The following SHE variants were observed in gnomAD, a reference collection of about 807,000 sequenced individuals.
SHE encodes SH2 domain-containing adapter protein E.
In SHE, 11 loss-of-function variants were observed where a neutral mutation model predicts 49.8. That is an observed-to-expected ratio of 0.22 (90% CI 0.14 to 0.37). The LOEUF (loss-of-function observed/expected upper bound fraction) is 0.37. Ranked by LOEUF, SHE falls within the 10% of genes least tolerant of loss-of-function variation. The pLI is 1.00. For missense variants in SHE, 624 were observed against 655.5 expected (o/e 0.95, Z 0.52); for synonymous variants, 310 against 278.1 (o/e 1.11, Z -1.14).
Position 154,486,731 on chromosome 1 carries a change from T to G in SHE, c.1025-48A>C. ...CATCACAGGCCACTGCGGTGACCCA[T>G]GTAAACTTCAAAGGGAAAAAACCTC... On this transcript the variant is annotated intron_variant, in intron 3 of 5. Transcript: ENST00000304760. The G allele has an allele frequency of 1.9e-6, 3 of 1,594,906 alleles. No homozygotes were observed. In the South Asian group the frequency reaches 3.4e-5, roughly 18 times the overall value.
intron 1 of SHE, 146 bp from the exon 2 acceptor site, chr1:154,499,384 T>C: frequency 2.4e-6 from 2 of 841,480 alleles, no homozygotes; most frequent in South Asian, 4.5e-5. Context: ...CACTTGATCA[T>C]GTGTCCCAGT....
chr1:154,499,196 G>A lies in SHE; in HGVS notation c.634C>T (p.Arg212Trp), dbSNP rs773502026. The A allele has an allele frequency of 9.9e-6, 16 of 1,613,934 alleles. No homozygotes were observed. Among genetic ancestry groups the A allele is most frequent in the Non-Finnish European group, 1.3e-5 (15 of 1,179,994 alleles). ...EDYADPYDAK[R>W]TKGQRDAERV... ...TCTGCATCCCTTTGACCCTTTGTCC[G>A]TTTGGCATCATAAGGGTCAGCATAG... Residue 212 changes from arginine to tryptophan, a missense_variant, in exon 2 of 6, where the codon CGG becomes TGG. This residue lies in a region of SHE where 337 missense variants were observed against 306.0 expected (regional missense o/e 1.10). Transcript: ENST00000304760.
At chr1:154,477,890 C>CAAA (rs35912019), downstream of SHE, among the ~76,000 whole-genome samples, 103 of 104,286 alleles carry the variant, frequency 9.9e-4, no homozygotes, top group Non-Finnish European at 1.2e-3. Context: ...GACACTGTCT[C>CAAA]AAAAAAAAAA....
intron 2 of SHE, among the ~76,000 whole-genome samples, chr1:154,494,527 GTTT>G (rs199901392): frequency 2.4e-5 from 3 of 126,400 alleles, no homozygotes; most frequent in African/African-American, 2.9e-5. Context: ...GGAGTTTATA[GTTT>G]TTTTTTTTTT....
Position 154,483,844 on chromosome 1 carries a change from A to C in SHE, c.*305T>G. On this transcript the variant is annotated 3_prime_UTR_variant, in exon 6 of 6. Transcript: ENST00000304760. ...CCATCTCTACTAAAAATACAAAAAA[A>C]AAAATTAGCTGGGAGTGGTGGTGCG... 1.1e-6 allele frequency: 1 copy of C among 894,220 alleles called. No individual in the cohort carries two copies. Among genetic ancestry groups the C allele is most frequent in the Middle Eastern group, 5.0e-4 (1 of 2,020 alleles). 55.4% of individuals were successfully genotyped at this position (894,220 alleles called of 1,614,324 possible).
In SHE at chr1:154,480,902, C is replaced by T. The variant is rs553906642; in HGVS notation, c.*3247G>A. 17 of 985,358 alleles carry T rather than the reference C, an allele frequency of 1.7e-5. No individual in the cohort carries two copies. The South Asian group carries it at 3.8e-4, about 22-fold the overall frequency. 61.0% of individuals were successfully genotyped at this position (985,358 alleles called of 1,614,324 possible). ...TAACCAACTGAACTTGTCCAGTCAT[C>T]GCAAGCAAGTATTTTTTTTAAAGAA... On this transcript the variant is annotated 3_prime_UTR_variant, in exon 6 of 6. Coordinates refer to ENST00000304760, the MANE Select transcript of SHE (RefSeq NM_001010846.3).
intron 1 of SHE, among the ~76,000 whole-genome samples, chr1:154,473,809 TAA>T (rs879476389): frequency 2.2e-5 from 3 of 133,730 alleles, no homozygotes; most frequent in Admixed American, 1.5e-4. Flanking sequence ...CCTCAAAAAA[TAA>T]AAAAAAAAAA....
rs1691981975 is a variant in SHE, at chr1:154,480,191, A to C, written c.*3958T>G. ...TCATAAGGCCAAACTAGTGCTAGTT[A>C]TGGAAAAATAGGAGACAACTAGTGA... On this transcript the variant is annotated 3_prime_UTR_variant, in exon 6 of 6. Coordinates refer to ENST00000304760, the MANE Select transcript of SHE (RefSeq NM_001010846.3). 1.0e-6 allele frequency: 1 copy of C among 985,388 alleles called. No homozygotes were observed. The highest frequency in any genetic ancestry group is 1.2e-6 in the Non-Finnish European group (1 of 829,958). The allele number at this position is 985,388 out of a possible 1,614,324, so 61.0% of individuals were successfully genotyped here. A position where few individuals can be genotyped will look rare whatever the true frequency, so the allele number is the denominator to read the frequency against.
Position 154,481,924 on chromosome 1 carries a change from G to A in SHE, c.*2225C>T, listed in dbSNP as rs911488209. 2.3e-5 allele frequency: 11 copies of A among 470,750 alleles called. No individual in the cohort carries two copies. Among genetic ancestry groups the A allele is most frequent in the East Asian group, 1.5e-4 (1 of 6,516 alleles). 29.2% of individuals were successfully genotyped at this position (470,750 alleles called of 1,614,324 possible). On this transcript the variant is annotated 3_prime_UTR_variant, in exon 6 of 6. Transcript: ENST00000304760. ...GAGTGCAATGGTGCGATCATGGCTC[G>A]CTGCAGCCTTGACCTGAGCAGAGGT...
chr1:154,502,137 G>C lies in SHE; in HGVS notation c.-111C>G. The C allele has an allele frequency of 1.1e-6, 1 of 878,340 alleles. No homozygotes were observed. Among genetic ancestry groups the C allele is most frequent in the Non-Finnish European group, 1.5e-6 (1 of 680,450 alleles). 54.4% of individuals were successfully genotyped at this position (878,340 alleles called of 1,614,324 possible). A position where few individuals can be genotyped will look rare whatever the true frequency, so the allele number is the denominator to read the frequency against. On this transcript the variant is annotated 5_prime_UTR_variant, in exon 1 of 6. Transcript: ENST00000304760. Reference sequence around the variant, plus strand: ...GCAGGGTGGGGTTCTCACGGCTCGGGGCGCCGAGCGGGCGGGCGCTAGCCT... The same window carrying C: ...GCAGGGTGGGGTTCTCACGGCTCGGCGCGCCGAGCGGGCGGGCGCTAGCCT...
chr1:154,489,214 T>C lies in SHE; in HGVS notation c.861A>G (p.Pro287=). ...RSSKDLLGKP[P]QLYDTPYEPA... The stretch of plus-strand genomic sequence containing the variant: ...GCTCGTAGGGAGTGTCGTATAGCTG[T>C]GGCGGCTTCCCCAGGAGGTCCTTGG... The change falls in exon 3 of 6, where the codon CCA becomes CCG. Residue 287 remains proline (P), a synonymous_variant. Coordinates refer to ENST00000304760, the MANE Select transcript of SHE (RefSeq NM_001010846.3). 2 of 1,614,202 alleles carry C rather than the reference T, an allele frequency of 1.2e-6. No homozygotes were observed. Among genetic ancestry groups the C allele is most frequent in the Non-Finnish European group, 1.7e-6 (2 of 1,180,028 alleles).
At chr1:154,472,534 G>A (rs558634194) in intron 1 of SHE, among the ~76,000 whole-genome samples, 4 of 152,214 alleles carry the variant, frequency 2.6e-5, no homozygotes, top group Non-Finnish European at 4.4e-5. Flanking sequence ...GATGCTGGGG[G>A]TTCCTCATAC....
rs1002486421 is a variant in SHE, at chr1:154,483,861, G to A, written c.*288C>T. 1 of 903,142 alleles carries A rather than the reference G, an allele frequency of 1.1e-6. No individual in the cohort carries two copies. Among genetic ancestry groups the A allele is most frequent in the Non-Finnish European group, 1.4e-6 (1 of 708,080 alleles). 55.9% of individuals were successfully genotyped at this position (903,142 alleles called of 1,614,324 possible). On this transcript the variant is annotated 3_prime_UTR_variant, in exon 6 of 6. Coordinates refer to ENST00000304760, the MANE Select transcript of SHE (RefSeq NM_001010846.3). Reference sequence around the variant, plus strand: ...ACAAAAAAAAAAATTAGCTGGGAGTGGTGGTGCGAACCTATAGTCCCACCT... The same window carrying A: ...ACAAAAAAAAAAATTAGCTGGGAGTAGTGGTGCGAACCTATAGTCCCACCT...
chr1:154,488,729 C>T (rs190340498), intron 3 of SHE, among the ~76,000 whole-genome samples: 37 of 152,092 alleles, frequency 2.4e-4, no homozygotes, highest in African/African-American at 6.0e-4. Flanking sequence ...TGGGATTACA[C>T]GCGCCCAGCA....
At chr1:154,473,435 A>G (rs1243772380) in intron 1 of SHE, among the ~76,000 whole-genome samples, 1 of 151,800 alleles carries the variant, frequency 6.6e-6, no homozygotes, top group Non-Finnish European at 1.5e-5. Context: ...TGATAGTACC[A>G]CTGTACTCCA....
rs779212856 is a variant in SHE at position 154,501,514 on chromosome 1, G to T, written c.513C>A (p.Ser171=). ...AAGGGGAAGAGGACGCGGAGGAAGA[G>T]GAGCTGGAGCTGGAGCTACTGCTGC... ...YPSSSSSSSS[S]SSSASSSPSS... The change falls in exon 1 of 6, where the codon TCC becomes TCA. Residue 171 remains serine, a synonymous_variant. Coordinates refer to ENST00000304760, the MANE Select transcript of SHE (RefSeq NM_001010846.3). 9.9e-6 allele frequency: 16 copies of T among 1,614,156 alleles called. No individual in the cohort carries two copies. Among genetic ancestry groups the T allele is most frequent in the Non-Finnish European group, 1.4e-5 (16 of 1,179,986 alleles).
chr1:154,489,001 G>A (rs1692273834), intron 3 of SHE, 50 bp downstream of exon 3: 2 of 1,510,064 alleles, frequency 1.3e-6, no homozygotes, highest in South Asian at 2.7e-5. Flanking sequence ...CTGATGCGGT[G>A]GCCAGAAGAC....
rs764198885 is a variant in SHE, at chr1:154,485,999, A to T, written c.1245T>A (p.Ala415=). 1.9e-6 allele frequency: 3 copies of T among 1,614,022 alleles called. No individual in the cohort carries two copies. The East Asian group carries it at 6.7e-5, about 36-fold the overall frequency. The change falls in exon 5 of 6, where the codon GCT becomes GCA. Residue 415 remains alanine, a synonymous_variant. Transcript: ENST00000304760. Reference sequence around the variant, plus strand: ...ACTCACTATTTCGAACCAGGTAACCAGCTTCTTTGCAGGGCTGTAGTCGAC... The same window carrying T: ...ACTCACTATTTCGAACCAGGTAACCTGCTTCTTTGCAGGGCTGTAGTCGAC... The part of the protein sequence containing the change: ...AESRLQPCKE[A]GYLVRNSESG...
intron 2 of SHE, among the ~76,000 whole-genome samples, chr1:154,491,948 G>C (rs1330025434): frequency 6.6e-6 from 1 of 152,102 alleles, no homozygotes; most frequent in Non-Finnish European, 1.5e-5. Flanking sequence ...AGGAGGAAGA[G>C]GCTCAGGAGA....
Sources: gnomAD v4.1 joint callset for allele counts (sites outside exome capture counted in the v4.1 genomes callset) on GRCh38, gnomAD v4.1.1 for gene constraint, gnomAD v4.1.1 regional missense constraint, MANE v1.5 for transcripts, NCBI Gene and HGNC (gene_info 2026-07-23, HGNC 2026-07-21) for gene names.